RYR3: variants seen among roughly 807,000 people sequenced by gnomAD.
RYR3 encodes the protein brain ryanodine receptor-calcium release channel.
RYR3 carries 207 observed loss-of-function variants against 584.3 expected under a neutral mutation model. The ratio of observed to expected loss-of-function variants is 0.35; its 90% CI spans 0.32 to 0.40. The LOEUF (loss-of-function observed/expected upper bound fraction) is 0.40. RYR3 is among the 10% of genes least tolerant of loss of function. The probability of loss-of-function intolerance (pLI) is 1.00; values close to 1 mark genes in which losing one functional copy is unlikely to be tolerated. For synonymous variants in RYR3, 2,416 were observed against 2,248.5 expected (o/e 1.07, Z -2.11); for missense variants, 5,616 against 6,089.2 (o/e 0.92, Z 2.59).
At chr15:33,530,938 A>G (rs2054813076) in intron 4 of RYR3, among the ~76,000 whole-genome samples, 1 of 152,110 alleles carries the variant, frequency 6.6e-6, no homozygotes, top group South Asian at 2.1e-4. Context: ...TAGACCTATA[A>G]CCCCACCAAA....
At chr15:33,517,466 A>G (rs1301814900) in intron 3 of RYR3, among the ~76,000 whole-genome samples, 1 of 152,200 alleles carries the variant, frequency 6.6e-6, no homozygotes, top group South Asian at 2.1e-4. Context: ...TTCACACAAC[A>G]TGTCACCAAT....
At chr15:33,489,127 A>C (rs1383432634) in intron 2 of RYR3, among the ~76,000 whole-genome samples, 1 of 152,214 alleles carries the variant, frequency 6.6e-6, no homozygotes, top group African/African-American at 2.4e-5. Context: ...TCACATGAGG[A>C]AATATTTTAT....
chr15:33,707,268 A>G (rs1251983463), intron 43 of RYR3, among the ~76,000 whole-genome samples: 2 of 152,166 alleles, frequency 1.3e-5, no homozygotes, highest in Non-Finnish European at 2.9e-5. Flanking sequence ...AGTCCAGTGA[A>G]CAGAGCACTG....
intron 81 of RYR3, among the ~76,000 whole-genome samples, chr15:33,823,428 A>G (rs1476143076): frequency 6.6e-6 from 1 of 152,228 alleles, no homozygotes; most frequent in Non-Finnish European, 1.5e-5. Flanking sequence ...CCAGGAAAGA[A>G]TGGAAAAGGG....
chr15:33,395,312 C>CT, intron 1 of RYR3, among the ~76,000 whole-genome samples: 1 of 152,376 alleles, frequency 6.6e-6, no homozygotes, highest in Non-Finnish European at 1.5e-5. Flanking sequence ...ATTTCTAATG[C>CT]AGAGATGATG....
chr15:33,759,159 C>G (rs933068651), intron 60 of RYR3, among the ~76,000 whole-genome samples: 1 of 152,158 alleles, frequency 6.6e-6, no homozygotes, highest in Non-Finnish European at 1.5e-5. Context: ...CATCAAAGAT[C>G]GAAGGTAGAT....
intron 42 of RYR3, among the ~76,000 whole-genome samples, chr15:33,705,735 T>G (rs1235856387): frequency 6.6e-6 from 1 of 152,184 alleles, no homozygotes; most frequent in East Asian, 1.9e-4. Flanking sequence ...CATCCCAACC[T>G]CAACATCTTG....
intron 38 of RYR3, among the ~76,000 whole-genome samples, chr15:33,685,588 G>T (rs529826043): frequency 2.0e-5 from 3 of 152,240 alleles, no homozygotes; most frequent in East Asian, 3.9e-4. Flanking sequence ...TGCACCAAGC[G>T]TACATAATAG....
intron 34 of RYR3, among the ~76,000 whole-genome samples, chr15:33,661,176 A>G (rs1436803667): frequency 1.3e-5 from 2 of 152,152 alleles, no homozygotes; most frequent in Non-Finnish European, 2.9e-5. Flanking sequence ...AAGTAAGTCA[A>G]TTCTGCAGGG....
intron 57 of RYR3, among the ~76,000 whole-genome samples, chr15:33,752,572 A>G (rs2071419058): frequency 6.6e-6 from 1 of 152,194 alleles, no homozygotes; most frequent in South Asian, 2.1e-4. Context: ...ATTTTTGCAC[A>G]TTGATTTTGT....
chr15:33,493,888 AC>A (rs1463882826), intron 2 of RYR3, among the ~76,000 whole-genome samples: 1 of 152,158 alleles, frequency 6.6e-6, no homozygotes, highest in Admixed American at 6.5e-5. Flanking sequence ...TTGGAGTTCA[AC>A]TTAGGCAACA....
rs1023377169 is a variant in RYR3, at chr15:33,651,282, A to G, written c.4143-1436A>G. Among the ~76,000 whole-genome samples the G allele has an allele frequency of 3.9e-5, 6 of 152,346 alleles. No individual in the cohort carries two copies. The South Asian group carries it at 1.2e-3, about 32-fold the overall frequency. ...CCAAAGCGAGCCACTTCACATTCCC[A>G]CAGCTTTAATACATTATTAATTGTA... On this transcript the variant is annotated intron_variant, in intron 31 of 103. Transcript: ENST00000634891.
At chr15:33,683,073 C>A (rs1470878106) in intron 38 of RYR3, among the ~76,000 whole-genome samples, 1 of 151,930 alleles carries the variant, frequency 6.6e-6, no homozygotes, top group Non-Finnish European at 1.5e-5. Context: ...TGGCTCACTG[C>A]AAGCTCCGCC....
At chr15:33,835,560 TATGAAC>T (rs1459455115) in intron 87 of RYR3, among the ~76,000 whole-genome samples, 3 of 152,210 alleles carry the variant, frequency 2.0e-5, no homozygotes, top group Non-Finnish European at 4.4e-5. Flanking sequence ...GAGCATTTAT[TATGAAC>T]AAATAAATGT....
intron 1 of RYR3, among the ~76,000 whole-genome samples, chr15:33,448,153 A>T (rs2046825596): frequency 1.3e-5 from 2 of 152,140 alleles, no homozygotes; most frequent in Admixed American, 1.3e-4. Context: ...GGTTCCAGTG[A>T]CTTGAGGTGG....
At chr15:33,738,355 C>G in intron 49 of RYR3, 95 bp from the exon 50 acceptor site, 2 of 1,262,560 alleles carry the variant, frequency 1.6e-6, no homozygotes, top group Non-Finnish European at 2.2e-6. Flanking sequence ...TTCTCATGGT[C>G]TCTGCTTACT....
chr15:33,336,430 GAAAGAAAGAA>G lies in RYR3; in HGVS notation c.51+25336_51+25345del, dbSNP rs1376082928. ...GACAGAGCGAGACGAAAGAAAGAAA[GAAAGAAAGAA>G]AGAGAGAGAGAGAGAGAGAGAGAGA... is the stretch of plus-strand genomic sequence containing the variant. On this transcript the variant is annotated intron_variant, in intron 1 of 103. Coordinates refer to ENST00000634891, the MANE Select transcript of RYR3 (RefSeq NM_001036.6). 1.3e-3 allele frequency among the ~76,000 whole-genome samples: 25 copies of G among 18,818 alleles called. 1 individual carries two copies. The highest frequency in any genetic ancestry group is 0.011 in the South Asian group (5 of 468). The allele number at this position is 18,818 out of a possible 152,430, so 12.3% of individuals were successfully genotyped here. A position where few individuals can be genotyped will look rare whatever the true frequency, so the allele number is the denominator to read the frequency against.
chr15:33,689,580 C>T (rs1170581203), intron 38 of RYR3, among the ~76,000 whole-genome samples: 1 of 152,184 alleles, frequency 6.6e-6, no homozygotes, highest in Non-Finnish European at 1.5e-5. Flanking sequence ...GAAGGCCCCT[C>T]TTTTAACTTC....
intron 16 of RYR3, among the ~76,000 whole-genome samples, chr15:33,592,528 G>T (rs1166968235): frequency 6.6e-6 from 1 of 152,214 alleles, no homozygotes; most frequent in Non-Finnish European, 1.5e-5. Flanking sequence ...GCCCACTCCT[G>T]GGGGCCACCC....
Sources: gnomAD v4.1 joint callset for allele counts (sites outside exome capture counted in the v4.1 genomes callset) on GRCh38, gnomAD v4.1.1 for gene constraint, MANE v1.5 for transcripts, NCBI Gene and HGNC (gene_info 2026-07-23, HGNC 2026-07-21) for gene names.